Variants in PARD3B observed in about 807,000 individuals in gnomAD.
The protein encoded by PARD3B is par-3 family cell polarity regulator beta, also known as partitioning defective 3 homolog B.
A neutral mutation model predicts 130.2 loss-of-function variants in PARD3B; 103 were observed. The ratio of observed to expected loss-of-function variants is 0.79; its 90% CI spans 0.67 to 0.93. The LOEUF is 0.93. PARD3B is among the 40% of genes least tolerant of loss of function. The pLI is 0.00. For synonymous variants in PARD3B, 583 were observed against 553.2 expected (o/e 1.05, Z -0.76); for missense variants, 1,609 against 1,499.2 (o/e 1.07, Z -1.21).
intron 18 of PARD3B, among the ~76,000 whole-genome samples, chr2:205,330,527 C>T (rs2043085647): frequency 6.6e-6 from 1 of 152,162 alleles, no homozygotes. Context: ...GACTCTGTAG[C>T]TCCAGGGAAG....
At chr2:205,226,019 A>C (rs1339281867) in intron 15 of PARD3B, among the ~76,000 whole-genome samples, 1 of 152,110 alleles carries the variant, frequency 6.6e-6, no homozygotes, top group African/African-American at 2.4e-5. Flanking sequence ...TTATGAGACG[A>C]ATTCTCATTC....
At chr2:204,974,942 T>A (rs1258380967) in intron 3 of PARD3B, among the ~76,000 whole-genome samples, 1 of 152,218 alleles carries the variant, frequency 6.6e-6, no homozygotes, top group Non-Finnish European at 1.5e-5. Flanking sequence ...CATCACAGAT[T>A]CATTCCCAAG....
intron 11 of PARD3B, among the ~76,000 whole-genome samples, chr2:205,170,586 C>T (rs2035107104): frequency 6.6e-6 from 1 of 152,156 alleles, no homozygotes; most frequent in South Asian, 2.1e-4. Flanking sequence ...GGCAGTGTGT[C>T]TTCACCAGGG....
intron 2 of PARD3B, among the ~76,000 whole-genome samples, chr2:204,844,047 GA>G (rs2044362322): frequency 1.3e-5 from 2 of 152,148 alleles, no homozygotes; most frequent in South Asian, 4.1e-4. Context: ...TAACAGGAGA[GA>G]GAAACTACTT....
At chr2:205,290,624 G>A (rs1432092119) in intron 16 of PARD3B, among the ~76,000 whole-genome samples, 3 of 152,098 alleles carry the variant, frequency 2.0e-5, no homozygotes, top group African/African-American at 7.2e-5. Flanking sequence ...CAAAATTATT[G>A]TTTCAAAGAG....
chr2:204,971,245 C>T (rs1691675622), intron 3 of PARD3B, among the ~76,000 whole-genome samples: 1 of 152,192 alleles, frequency 6.6e-6, no homozygotes. Flanking sequence ...AATTAGGCTG[C>T]TGTGTGTAAG....
chr2:205,050,828 A>G (rs148639970), intron 4 of PARD3B, among the ~76,000 whole-genome samples: 48 of 152,068 alleles, frequency 3.2e-4, no homozygotes, highest in African/African-American at 1.1e-3. Context: ...AGCATGCATG[A>G]GATAGTTTGA....
chr2:205,464,998 T>C, intron 20 of PARD3B, among the ~76,000 whole-genome samples: 1 of 152,212 alleles, frequency 6.6e-6, no homozygotes, highest in East Asian at 1.9e-4. Flanking sequence ...TACTGCACGA[T>C]AACAATGACA....
chr2:205,055,583 A>G (rs1699579749), intron 4 of PARD3B, among the ~76,000 whole-genome samples: 1 of 152,176 alleles, frequency 6.6e-6, no homozygotes, highest in Non-Finnish European at 1.5e-5. Flanking sequence ...AATTAGTTAA[A>G]TAGTGGGTGA....
At chr2:204,963,978 G>A (rs941743928) in intron 2 of PARD3B, among the ~76,000 whole-genome samples, 5 of 152,084 alleles carry the variant, frequency 3.3e-5, no homozygotes, top group Admixed American at 2.6e-4. Context: ...TTGAAAGATC[G>A]AACTTGAAAT....
intron 1 of PARD3B, among the ~76,000 whole-genome samples, chr2:204,644,968 A>C (rs934792718): frequency 2.0e-5 from 3 of 152,124 alleles, no homozygotes; most frequent in Admixed American, 2.0e-4. Flanking sequence ...GAGATACTCG[A>C]TGAAAGTTGT....
chr2:204,735,914 C>T (rs1392819849), intron 2 of PARD3B, among the ~76,000 whole-genome samples: 3 of 152,092 alleles, frequency 2.0e-5, no homozygotes, highest in African/African-American at 7.2e-5. Flanking sequence ...GGTGTATGAG[C>T]ATTTATTTAC....
Position 204,669,157 on chromosome 2 carries a change from T to C in PARD3B, c.121-17024T>C, listed in dbSNP as rs896249341. On this transcript the variant is annotated intron_variant, in intron 1 of 22. Transcript: ENST00000406610. This position sits in a 1 kb window ranked among gnomAD's most constrained non-coding sequence, Gnocchi z 4.3. ...CAGTCCACTAAGTTGGTAGGTAATT[T>C]GTAACCGGAGAAATAGGAAACCAGT... Among the ~76,000 whole-genome samples the C allele has an allele frequency of 1.3e-5, 2 of 152,310 alleles. No homozygotes were observed. Among genetic ancestry groups the C allele is most frequent in the South Asian group, 2.1e-4 (1 of 4,826 alleles).
At chr2:204,935,373 CAAA>C (rs3067765) in intron 2 of PARD3B, among the ~76,000 whole-genome samples, 2 of 129,028 alleles carry the variant, frequency 1.6e-5, no homozygotes, top group Non-Finnish European at 1.6e-5. Flanking sequence ...ACTAAAAATA[CAAA>C]AAAAAAAAAA....
At chr2:204,642,786 T>C (rs1203477000) in intron 1 of PARD3B, among the ~76,000 whole-genome samples, 1 of 151,822 alleles carries the variant, frequency 6.6e-6, no homozygotes, top group Admixed American at 6.6e-5. Flanking sequence ...TTGCTGTTCT[T>C]GTATTCTCAC....
At chr2:205,528,110 C>CT (rs1310611307) in intron 21 of PARD3B, among the ~76,000 whole-genome samples, 1 of 152,160 alleles carries the variant, frequency 6.6e-6, no homozygotes, top group African/African-American at 2.4e-5. Context: ...TCCCATTGGT[C>CT]TTCCTGGTAA....
chr2:204,891,787 T>C (rs187309143), intron 2 of PARD3B, among the ~76,000 whole-genome samples: 1 of 152,266 alleles, frequency 6.6e-6, no homozygotes, highest in African/African-American at 2.4e-5. Flanking sequence ...TTGCCTATCC[T>C]TTGGCTCTCA....
chr2:205,295,860 C>T (rs1021978210), intron 16 of PARD3B, among the ~76,000 whole-genome samples: 3 of 151,916 alleles, frequency 2.0e-5, no homozygotes, highest in African/African-American at 7.3e-5. Flanking sequence ...AACAGATGAA[C>T]ATATATATAC....
intron 4 of PARD3B, among the ~76,000 whole-genome samples, chr2:205,092,820 G>T (rs1172068879): frequency 6.6e-6 from 1 of 152,092 alleles, no homozygotes; most frequent in Non-Finnish European, 1.5e-5. Flanking sequence ...GTGAGAATGT[G>T]ATTAACTCAA....
Sources: gnomAD v4.1 joint callset for allele counts (sites outside exome capture counted in the v4.1 genomes callset) on GRCh38, gnomAD v4.1.1 for gene constraint, Gnocchi (gnomAD v3.1) non-coding constraint, MANE v1.5 for transcripts, NCBI Gene and HGNC (gene_info 2026-07-23, HGNC 2026-07-21) for gene names.